PCDHA4: variants seen among roughly 807,000 people sequenced by gnomAD.
The protein encoded by PCDHA4 is protocadherin alpha 4, also known as protocadherin alpha-4.
A neutral mutation model predicts 61.4 loss-of-function variants in PCDHA4; 49 were observed. The ratio of observed to expected loss-of-function variants is 0.80; its 90% CI spans 0.63 to 1.01. The LOEUF is 1.01. Among genes scored for constraint, PCDHA4 ranks in the 50% least tolerant of loss-of-function variants. The pLI is 0.00. For synonymous variants in PCDHA4, 590 were observed against 550.3 expected, an observed-to-expected ratio of 1.07 and a Z score of -1.01; for missense variants, 1,254 against 1,235.8, an observed-to-expected ratio of 1.01 and a Z score of -0.22.
At chr5:140,993,273 T>C (rs1212746492) in intron 3 of PCDHA4, among the ~76,000 whole-genome samples, 1 of 152,176 alleles carries the variant, frequency 6.6e-6, no homozygotes, top group Non-Finnish European at 1.5e-5. Flanking sequence ...TTCTTTGGTC[T>C]TTTCTTGCCC....
chr5:140,979,006 A>G lies in PCDHA4; in HGVS notation c.2443A>G (p.Ser815Gly), dbSNP rs149397164. ...TGCCTCCCTGAGAGCAGGCATGCAC[A>G]GGTATGTATTTCCCTCCTCATTCAC... ...YSASLRAGMH[S>G]SVHLEEAGIL... Residue 815 changes from serine (S) to glycine (G), a missense_variant and splice_region_variant, in exon 2 of 4, where the codon AGC becomes GGC. Ser to Gly is a moderately conservative substitution (Grantham distance 56). Coordinates refer to ENST00000530339, the MANE Select transcript of PCDHA4 (RefSeq NM_018907.4). The G allele has an allele frequency of 4.3e-6, 7 of 1,614,000 alleles. No individual in the cohort carries two copies. The highest frequency in any genetic ancestry group is 5.1e-6 in the Non-Finnish European group (6 of 1,179,938).
At position 140,850,184 on chromosome 5, in the gene PCDHA4, G is replaced by A. The variant is rs2150471787; in HGVS notation, c.2385+40612G>A. 1.2e-5 allele frequency: 19 copies of A among 1,593,814 alleles called. 2 individuals carry two copies. The highest frequency in any genetic ancestry group is 4.5e-5 in the East Asian group (2 of 44,826). ...TGCTGGACGAGAACGACAATGCGCC[G>A]GCGCTGCTGACACCTCGGATGAGGG... On this transcript the variant is annotated intron_variant, in intron 1 of 3. Coordinates refer to ENST00000530339, the MANE Select transcript of PCDHA4 (RefSeq NM_018907.4).
rs1393449326 is a variant in PCDHA4, at chr5:140,836,217, C to A, written c.2385+26645C>A. On this transcript the variant is annotated intron_variant, in intron 1 of 3. Transcript: ENST00000530339. ...CAACGCGTGGCTTTCGTATGAGTTG[C>A]AACCGGTGGCGGCCGGTGCGAGCAT... The A allele has an allele frequency of 1.2e-6, 2 of 1,613,820 alleles. 1 individual carries two copies. The highest frequency in any genetic ancestry group is 2.7e-5 in the African/African-American group (2 of 74,978).
intron 1 of PCDHA4, chr5:140,926,622 G>A: frequency 2.5e-6 from 1 of 396,424 alleles, no homozygotes. Context: ...CCCCTAGGCG[G>A]CGCTGCGCTC....
chr5:140,964,560 TGGGAGGAGATAAG>T (rs2095840156), intron 1 of PCDHA4, among the ~76,000 whole-genome samples: 1 of 152,082 alleles, frequency 6.6e-6, no homozygotes, highest in Admixed American at 6.6e-5. Context: ...CTTGGAGGGC[TGGGAGGAGATAAG>T]GGGAGGAAAG....
chr5:140,942,817 T>C (rs1479369594), intron 1 of PCDHA4, among the ~76,000 whole-genome samples: 2 of 152,160 alleles, frequency 1.3e-5, no homozygotes, highest in African/African-American at 4.8e-5. Context: ...ACTAGTTGGA[T>C]TTGGCCCTGT....
intron 1 of PCDHA4, chr5:140,823,479 A>G (rs2150065816): frequency 6.2e-7 from 1 of 1,613,312 alleles, no homozygotes; most frequent in Non-Finnish European, 8.5e-7. Context: ...TGGTGCCTCG[A>G]GTGGGTGGCA....
At chr5:140,966,839 C>T (rs782091529) in intron 1 of PCDHA4, 14 of 1,567,058 alleles carry the variant, frequency 8.9e-6, no homozygotes, top group Non-Finnish European at 1.1e-5. Flanking sequence ...CTGGCTGCTG[C>T]TACTGCCTCT....
chr5:140,809,397 C>T lies in PCDHA4; in HGVS notation c.2210C>T (p.Pro737Leu). The change falls in exon 1 of 4, where the codon CCC becomes CTC. Residue 737 changes from proline to leucine, a missense_variant. Coordinates refer to ENST00000530339, the MANE Select transcript of PCDHA4 (RefSeq NM_018907.4). ...PTEGACAPGK[P>L]TLVCSSAVGS... ...GAGGGCGCGTGCGCTCCGGGCAAGC[C>T]CACGCTGGTGTGCTCCAGTGCGGTG... 5.0e-6 allele frequency: 8 copies of T among 1,614,128 alleles called. No homozygotes were observed. Among genetic ancestry groups the T allele is most frequent in the South Asian group, 1.1e-5 (1 of 91,070 alleles).
rs557035841 is a variant in PCDHA4, at chr5:140,907,537, A to G, written c.2386-71412A>G. On this transcript the variant is annotated intron_variant, in intron 1 of 3. Coordinates refer to ENST00000530339, the MANE Select transcript of PCDHA4 (RefSeq NM_018907.4). ...GTGAGGACAAATCGCTGCCCTTTCT[A>G]TGATGGAAGAGGTCCAATATAATCA... 7.9e-5 allele frequency among the ~76,000 whole-genome samples: 12 copies of G among 152,370 alleles called. No homozygotes were observed. The South Asian group carries it at 1.2e-3, about 16-fold the overall frequency.
intron 1 of PCDHA4, chr5:140,857,408 T>C: frequency 6.3e-7 from 1 of 1,597,854 alleles, no homozygotes; most frequent in Non-Finnish European, 8.6e-7. Context: ...CGCGCCTGCG[T>C]TCGCGCAGTC....
chr5:140,883,569 C>T (rs781786717), intron 1 of PCDHA4: 3 of 1,614,134 alleles, frequency 1.9e-6, no homozygotes, highest in Non-Finnish European at 2.5e-6. Flanking sequence ...GGCTCGCCTT[C>T]GCTGTGGGCC....
At chr5:140,875,181 TAA>T (rs1554167538) in intron 1 of PCDHA4, 2 of 448,484 alleles carry the variant, frequency 4.5e-6, no homozygotes, top group East Asian at 4.2e-5. Flanking sequence ...ACATTAGAAT[TAA>T]GAGTGACCCA....
chr5:140,838,638 C>T (rs1775813369), intron 1 of PCDHA4, among the ~76,000 whole-genome samples: 1 of 151,758 alleles, frequency 6.6e-6, no homozygotes, highest in Non-Finnish European at 1.5e-5. Flanking sequence ...TTTGGTTGGT[C>T]AAAAAAATGA....
intron 1 of PCDHA4, among the ~76,000 whole-genome samples, chr5:140,960,872 AAT>A (rs2095576865): frequency 6.6e-6 from 1 of 152,232 alleles, no homozygotes; most frequent in Admixed American, 6.5e-5. Flanking sequence ...AATTAGCTGA[AAT>A]ACACACTAAT....
chr5:140,992,017 CTGTGTGTGTG>C (rs10602499), intron 3 of PCDHA4, among the ~76,000 whole-genome samples: 1 of 145,512 alleles, frequency 6.9e-6, no homozygotes, highest in Non-Finnish European at 1.5e-5. Context: ...AGAGGTGGCT[CTGTGTGTGTG>C]TGTGTGTGTG....
At chr5:140,930,175 G>A (rs1554207630) in intron 1 of PCDHA4, 2 of 152,134 alleles carry the variant, frequency 1.3e-5, no homozygotes, top group African/African-American at 4.8e-5. Context: ...TTACAAAGAG[G>A]AAAGATGAGT....
At chr5:140,895,904 C>T (rs956599707) in intron 1 of PCDHA4, among the ~76,000 whole-genome samples, 10 of 152,136 alleles carry the variant, frequency 6.6e-5, no homozygotes, top group South Asian at 2.1e-4. Flanking sequence ...CTCCGCGTCC[C>T]GGGCTCAACA....
At chr5:140,882,936 C>T (rs782513929) in intron 1 of PCDHA4, 5 of 1,614,082 alleles carry the variant, frequency 3.1e-6, no homozygotes, top group Non-Finnish European at 4.2e-6. Flanking sequence ...CCCGAGCTGA[C>T]TGGCACAGTT....
Sources: gnomAD v4.1 joint callset for allele counts (sites outside exome capture counted in the v4.1 genomes callset) on GRCh38, gnomAD v4.1.1 for gene constraint, MANE v1.5 for transcripts, NCBI Gene and HGNC (gene_info 2026-07-23, HGNC 2026-07-21) for gene names.